PREP: variants seen among roughly 807,000 people sequenced by gnomAD.
PREP encodes the protein prolyl endopeptidase.
PREP carries 29 observed loss-of-function variants against 87.6 expected under a neutral mutation model. The observed-to-expected ratio is 0.33, with a 90% CI of 0.25 to 0.45. The LOEUF is 0.45. Ranked by LOEUF, PREP falls within the 20% of genes least tolerant of loss-of-function variation. The pLI is 1.00. For synonymous variants in PREP, 337 were observed against 328.6 expected, an observed-to-expected ratio of 1.03 and a Z score of -0.28; for missense variants, 695 against 886.5, an observed-to-expected ratio of 0.78 and a Z score of 2.74.
intron 7 of PREP, among the ~76,000 whole-genome samples, chr6:105,340,757 A>G (rs978896432): frequency 2.0e-5 from 3 of 152,254 alleles, no homozygotes; most frequent in African/African-American, 7.2e-5. Context: ...CTGATAAAAC[A>G]GACTTTAAAC....
In PREP at chr6:105,380,643, T is replaced by A. The variant is rs373531748; in HGVS notation, c.121-3124A>T. 4.8e-4 allele frequency among the ~76,000 whole-genome samples: 73 copies of A among 152,206 alleles called. 3 individuals are homozygous for A. In the South Asian group the frequency reaches 0.015, roughly 30 times the overall value. On this transcript the variant is annotated intron_variant, in intron 2 of 14. Transcript: ENST00000652536. The stretch of plus-strand genomic sequence containing the variant: ...CAGAGAAAATGGGCACAGCACATGT[T>A]AGTTTGCAGTTTTGGCTATTTCCCA...
chr6:105,283,977 C>T (rs1334292457), intron 12 of PREP, among the ~76,000 whole-genome samples: 2 of 152,076 alleles, frequency 1.3e-5, no homozygotes, highest in Admixed American at 1.3e-4. Flanking sequence ...ATCAGGGGAC[C>T]ATGAGTAGGG....
Position 105,281,741 on chromosome 6 carries a change from C to T in PREP, c.1838+5G>A. The T allele has an allele frequency of 3.1e-6, 5 of 1,612,550 alleles. No individual in the cohort carries two copies. Among genetic ancestry groups the T allele is most frequent in the Non-Finnish European group, 4.2e-6 (5 of 1,179,506 alleles). On this transcript the variant is annotated splice_donor_5th_base_variant and intron_variant, in intron 14 of 14. Coordinates refer to ENST00000652536, the MANE Select transcript of PREP (RefSeq NM_002726.5). ...AACAACATATATATGTCAATAAAAC[C>T]TTACTTGACAAGCCATTCAAAGTGT...
chr6:105,385,755 T>G (rs1465939372), intron 2 of PREP, among the ~76,000 whole-genome samples: 1 of 152,204 alleles, frequency 6.6e-6, no homozygotes, highest in African/African-American at 2.4e-5. Flanking sequence ...AAAAACACTA[T>G]CATTTAATGT....
intron 6 of PREP, among the ~76,000 whole-genome samples, chr6:105,360,220 G>A (rs1158820203): frequency 6.6e-6 from 1 of 152,178 alleles, no homozygotes; most frequent in Admixed American, 6.5e-5. Flanking sequence ...GTGGCTTTGT[G>A]CTGTGAGTCA....
chr6:105,334,985 G>A (rs1457771746), intron 7 of PREP, among the ~76,000 whole-genome samples: 1 of 152,122 alleles, frequency 6.6e-6, no homozygotes, highest in African/African-American at 2.4e-5. Flanking sequence ...CTGAGTGGCA[G>A]GTAACTTGAA....
intron 7 of PREP, among the ~76,000 whole-genome samples, chr6:105,334,143 C>T (rs914835144): frequency 2.0e-5 from 3 of 152,212 alleles, no homozygotes; most frequent in Non-Finnish European, 4.4e-5. Flanking sequence ...GTATGGCAGC[C>T]ACCACAGTAT....
intron 4 of PREP, among the ~76,000 whole-genome samples, chr6:105,374,966 G>A (rs1772651276): frequency 6.6e-6 from 1 of 151,960 alleles, no homozygotes; most frequent in Non-Finnish European, 1.5e-5. Context: ...CCCTCTGGAT[G>A]GGCTGCAAGA....
chr6:105,338,045 T>C (rs1771524965), intron 7 of PREP, among the ~76,000 whole-genome samples: 1 of 152,114 alleles, frequency 6.6e-6, no homozygotes, highest in Non-Finnish European at 1.5e-5. Context: ...TTAAGTAAAA[T>C]ACTAGCTGGT....
intron 1 of PREP, among the ~76,000 whole-genome samples, chr6:105,400,209 T>C (rs1161401065): frequency 1.3e-5 from 2 of 152,206 alleles, no homozygotes; most frequent in Admixed American, 6.5e-5. Context: ...AGTTTGCTAA[T>C]CATTCTTGAT....
intron 7 of PREP, among the ~76,000 whole-genome samples, chr6:105,345,481 T>C (rs1457678851): frequency 6.6e-6 from 1 of 152,240 alleles, no homozygotes; most frequent in African/African-American, 2.4e-5. Flanking sequence ...CATACTTTTA[T>C]TACTTTCTTT....
At chr6:105,292,774 A>G (rs1770326684) in intron 10 of PREP, among the ~76,000 whole-genome samples, 1 of 152,204 alleles carries the variant, frequency 6.6e-6, no homozygotes, top group South Asian at 2.1e-4. Context: ...TTCAACAGTG[A>G]TCTTAGCTAG....
chr6:105,388,228 T>G (rs973407287), intron 2 of PREP, among the ~76,000 whole-genome samples: 1 of 152,144 alleles, frequency 6.6e-6, no homozygotes, highest in Non-Finnish European at 1.5e-5. Flanking sequence ...ACCCACAGCT[T>G]GGCCAATCAA....
chr6:105,279,495 A>G (rs986048699), intron 14 of PREP, among the ~76,000 whole-genome samples: 2 of 152,224 alleles, frequency 1.3e-5, no homozygotes, highest in African/African-American at 4.8e-5. Flanking sequence ...TTCACATGCA[A>G]TATTTATACA....
At chr6:105,339,951 A>C (rs1278128558) in intron 7 of PREP, among the ~76,000 whole-genome samples, 1 of 152,242 alleles carries the variant, frequency 6.6e-6, no homozygotes, top group East Asian at 1.9e-4. Context: ...GAATGGAACC[A>C]AGTTGGAAAA....
At position 105,338,158 on chromosome 6, in the gene PREP, A is replaced by G. The variant is rs1359506749; in HGVS notation, c.824-4653T>C. On this transcript the variant is annotated intron_variant, in intron 7 of 14. Coordinates refer to ENST00000652536, the MANE Select transcript of PREP (RefSeq NM_002726.5). ...ATTTGTAGACGCAAAATCTTGGCTC[A>G]GTGAAATGTCAGATTCCTTAAATGT... 1.5e-4 allele frequency among the ~76,000 whole-genome samples: 23 copies of G among 152,252 alleles called. 1 individual carries two copies.
At chr6:105,378,560 C>T (rs956179789) in intron 2 of PREP, among the ~76,000 whole-genome samples, 8 of 152,182 alleles carry the variant, frequency 5.3e-5, no homozygotes, top group Non-Finnish European at 1.2e-4. Context: ...TCAGGAAATA[C>T]TGGTAGTGAA....
At chr6:105,344,869 C>T (rs1208303541) in intron 7 of PREP, among the ~76,000 whole-genome samples, 1 of 152,082 alleles carries the variant, frequency 6.6e-6, no homozygotes, top group Non-Finnish European at 1.5e-5. Context: ...CTCCAATGAA[C>T]AAAAAACAAC....
At position 105,402,949 on chromosome 6, in the gene PREP, G is replaced by A; in HGVS notation, c.-58C>T. 9.6e-7 allele frequency: 1 copy of A among 1,037,522 alleles called. No homozygotes were observed. Among genetic ancestry groups the A allele is most frequent in the Non-Finnish European group, 1.3e-6 (1 of 769,140 alleles). 64.3% of individuals were successfully genotyped at this position (1,037,522 alleles called of 1,614,324 possible). Reference sequence around the variant, plus strand: ...GCGCGGGCTCCGGGAGCGGACCTGAGCTAGCCGGGCTGGCCGCGAGGCGCG... The same window carrying A: ...GCGCGGGCTCCGGGAGCGGACCTGAACTAGCCGGGCTGGCCGCGAGGCGCG... On this transcript the variant is annotated 5_prime_UTR_variant, in exon 1 of 15. Transcript: ENST00000652536.
Sources: allele counts gnomAD v4.1 joint callset (sites outside exome capture counted in the v4.1 genomes callset), GRCh38; gene constraint gnomAD v4.1.1; transcripts MANE v1.5; gene names NCBI Gene and HGNC (gene_info 2026-07-23, HGNC 2026-07-21).